The following RSAD2 variants were observed in gnomAD, a reference collection of about 807,000 sequenced individuals.
The protein encoded by RSAD2 is S-adenosylmethionine-dependent nucleotide dehydratase RSAD2.
RSAD2 carries 38 observed loss-of-function variants against 37.7 expected under a neutral mutation model. The observed-to-expected ratio is 1.01, with a 90% CI of 0.78 to 1.32. RSAD2 has a LOEUF of 1.32. RSAD2 is among the 40% of genes most tolerant of loss of function. RSAD2 has a pLI of 0.00. For synonymous variants in RSAD2, 163 were observed against 157.4 expected (o/e 1.04, Z -0.27); for missense variants, 428 against 437.5 (o/e 0.98, Z 0.19).
chr2:6,890,428 G>A, intron 4 of RSAD2, 103 bp downstream of exon 4: 1 of 1,275,790 alleles, frequency 7.8e-7, no homozygotes, highest in African/African-American at 1.5e-5. Flanking sequence ...TATTTTAGAG[G>A]GTTCGGTGGT....
intron 4 of RSAD2, among the ~76,000 whole-genome samples, chr2:6,890,646 A>G (rs1663612053): frequency 6.6e-6 from 1 of 152,206 alleles, no homozygotes; most frequent in Non-Finnish European, 1.5e-5. Flanking sequence ...CCTATGTGTC[A>G]TACATGCATG....
chr2:6,871,429 T>A (rs1663202966), intron 1 of RSAD2, among the ~76,000 whole-genome samples: 1 of 152,248 alleles, frequency 6.6e-6, no homozygotes, highest in Non-Finnish European at 1.5e-5. Context: ...TTATGTTACT[T>A]TGGCATTAAT....
chr2:6,866,220 C>T (rs866081636), intron 1 of RSAD2, among the ~76,000 whole-genome samples: 1 of 152,232 alleles, frequency 6.6e-6, no homozygotes, highest in Admixed American at 6.5e-5. Flanking sequence ...CACTACTGCC[C>T]TTGGATGACT....
At chr2:6,866,373 C>A in intron 1 of RSAD2, 1 of 913,974 alleles carries the variant, frequency 1.1e-6, no homozygotes, top group Non-Finnish European at 1.3e-6. Context: ...TGTATCTTAT[C>A]TCACCTGTGC....
intron 1 of RSAD2, among the ~76,000 whole-genome samples, chr2:6,879,639 G>A (rs1169190456): frequency 6.6e-6 from 1 of 150,916 alleles, no homozygotes; most frequent in Non-Finnish European, 1.5e-5. Context: ...GTACAAATAT[G>A]TCTTGCAGCT....
rs1411492037 is a variant in RSAD2 at position 6,896,662 on chromosome 2, A to T, written c.*720A>T. The T allele has an allele frequency of 1.3e-5, 2 of 152,166 alleles. No individual in the cohort carries two copies. The highest frequency in any genetic ancestry group is 2.4e-5 in the African/African-American group (1 of 41,422). The allele number at this position is 152,166 out of a possible 1,614,324, so 9.4% of individuals were successfully genotyped here. A position where few individuals can be genotyped will look rare whatever the true frequency, so the allele number is the denominator to read the frequency against. On this transcript the variant is annotated 3_prime_UTR_variant, in exon 6 of 6. Transcript: ENST00000382040. ...CAATTTTCAAGAAGTCTCTAGAAAG[A>T]GATAACACATGGAAAGACGGTGTGG...
At chr2:6,865,969 T>G in exon 1 of RSAD2, 1 of 1,033,568 alleles carries the variant, frequency 9.7e-7, no homozygotes, top group Non-Finnish European at 1.3e-6. Flanking sequence ...GGTGCGCGGC[T>G]CCGCGGGCCT....
chr2:6,876,941 C>G (rs1663291989), upstream of RSAD2: 1 of 152,210 alleles, frequency 6.6e-6, no homozygotes. Flanking sequence ...TACTAGGACT[C>G]TTCCAACTTC....
At chr2:6,889,033 C>T (rs1377129059) in intron 3 of RSAD2, among the ~76,000 whole-genome samples, 1 of 152,196 alleles carries the variant, frequency 6.6e-6, no homozygotes, top group African/African-American at 2.4e-5. Context: ...AATCCCACAC[C>T]CTCAATATTG....
In RSAD2 at chr2:6,865,929, C is replaced by T. The variant is rs371358590; in HGVS notation, c.26C>T (p.Ser9Leu). The change falls in exon 1 of 6, where the codon TCG (serine) becomes TTG (leucine). Residue 9 changes from serine to leucine, a missense_variant. By Grantham distance (145) the Ser-to-Leu change is moderately radical. Transcript: ENST00000442639. ...ATGTGCGCGATAAACGGCCGGCGCT[C>T]GGGAGCAGACGCTTGGCCCCGGGGC... The T allele has an allele frequency of 1.0e-5, 14 of 1,374,374 alleles. No individual in the cohort carries two copies. In the East Asian group the frequency reaches 1.1e-4, roughly 11 times the overall value. The allele number at this position is 1,374,374 out of a possible 1,614,324, so 85.1% of individuals were successfully genotyped here.
At chr2:6,868,830 A>G (rs1663153725) in intron 1 of RSAD2, among the ~76,000 whole-genome samples, 2 of 152,146 alleles carry the variant, frequency 1.3e-5, no homozygotes, top group Admixed American at 6.5e-5. Flanking sequence ...GGAGCCTCAA[A>G]CCATGATTGC....
intron 1 of RSAD2, chr2:6,866,380 G>T (rs956973005): frequency 1.1e-6 from 1 of 928,020 alleles, no homozygotes; most frequent in Non-Finnish European, 1.3e-6. Flanking sequence ...TATCTCACCT[G>T]TGCACTCACT....
In RSAD2 at chr2:6,877,914, C is replaced by A. The variant is rs756642313; in HGVS notation, c.114C>A (p.Thr38=). The A allele has an allele frequency of 5.0e-6, 8 of 1,614,094 alleles. No individual in the cohort carries two copies. The South Asian group carries it at 7.7e-5, about 16-fold the overall frequency. Residue 38 remains threonine (T), a synonymous_variant, in exon 1 of 6, where the codon ACC becomes ACA. Coordinates refer to ENST00000382040, the MANE Select transcript of RSAD2 (RefSeq NM_080657.5). ...CGCTGTTCTGCTGGCTGAGGGCAACCTTCTGGCTGCTAGCTACCAAGAGGA... is the reference window on the plus strand; with the variant it reads ...CGCTGTTCTGCTGGCTGAGGGCAACATTCTGGCTGCTAGCTACCAAGAGGA... ...LVPLFCWLRA[T]FWLLATKRRK...
intron 1 of RSAD2, among the ~76,000 whole-genome samples, chr2:6,882,873 C>T (rs1366136342): frequency 6.6e-6 from 1 of 152,182 alleles, no homozygotes; most frequent in Non-Finnish European, 1.5e-5. Flanking sequence ...ATCACCAATG[C>T]ATTTTGAGGC....
chr2:6,892,142 A>G (rs922552752), intron 4 of RSAD2, among the ~76,000 whole-genome samples: 1 of 152,214 alleles, frequency 6.6e-6, no homozygotes. Context: ...TCCATCTGCC[A>G]TCCAAAAATA....
intron 1 of RSAD2, among the ~76,000 whole-genome samples, chr2:6,881,677 G>A (rs1663405712): frequency 6.6e-6 from 1 of 152,196 alleles, no homozygotes; most frequent in South Asian, 2.1e-4. Context: ...AGGCAGGCAG[G>A]TGTATGACGC....
intron 2 of RSAD2, among the ~76,000 whole-genome samples, chr2:6,886,640 G>A (rs1663527271): frequency 6.6e-6 from 1 of 152,210 alleles, no homozygotes; most frequent in African/African-American, 2.4e-5. Context: ...TAATTTGTAT[G>A]CAGGAATAAA....
intron 3 of RSAD2, among the ~76,000 whole-genome samples, chr2:6,889,143 G>A (rs542355073): frequency 2.0e-5 from 3 of 152,300 alleles, no homozygotes; most frequent in Admixed American, 6.5e-5. Flanking sequence ...AAATGCCTGT[G>A]CTGTATGTCT....
chr2:6,871,473 T>C (rs1349712040), intron 1 of RSAD2, among the ~76,000 whole-genome samples: 4 of 152,388 alleles, frequency 2.6e-5, no homozygotes, highest in Non-Finnish European at 4.4e-5. Context: ...AGACTCCTTG[T>C]TGAGAAAGCT....
Sources: gnomAD v4.1 joint callset for allele counts (sites outside exome capture counted in the v4.1 genomes callset) on GRCh38, gnomAD v4.1.1 for gene constraint, MANE v1.5 for transcripts, NCBI Gene and HGNC (gene_info 2026-07-23, HGNC 2026-07-21) for gene names.